PIK3C3: variants seen among roughly 807,000 people sequenced by gnomAD.
PIK3C3 encodes phosphatidylinositol 3-kinase catalytic subunit type 3.
PIK3C3 carries 95 observed loss-of-function variants against 126.1 expected under a neutral mutation model. The observed-to-expected ratio is 0.75, with a 90% CI of 0.64 to 0.89. PIK3C3 has a LOEUF of 0.89. Among genes scored for constraint, PIK3C3 ranks in the 40% least tolerant of loss-of-function variants. The pLI is 0.00. For synonymous variants in PIK3C3, 374 were observed against 360.0 expected, an observed-to-expected ratio of 1.04 and a Z score of -0.44; for missense variants, 829 against 1,063.2, an observed-to-expected ratio of 0.78 and a Z score of 3.06.
intron 11 of PIK3C3, 129 bp downstream of exon 11, chr18:42,013,725 A>T (rs1319179884): frequency 1.5e-6 from 1 of 673,082 alleles, no homozygotes; most frequent in East Asian, 2.8e-5. Context: ...ACTAGTGAAT[A>T]TTGCATGTGT....
intron 10 of PIK3C3, among the ~76,000 whole-genome samples, chr18:42,006,243 G>A (rs1982535402): frequency 6.7e-6 from 1 of 149,966 alleles, no homozygotes; most frequent in Non-Finnish European, 1.5e-5. Context: ...TTGAGGTCCT[G>A]AGCACAGGAG....
intron 22 of PIK3C3, 170 bp from the exon 23 acceptor site, chr18:42,064,570 A>G (rs1213969648): frequency 3.6e-6 from 2 of 553,802 alleles, no homozygotes; most frequent in African/African-American, 3.8e-5. Flanking sequence ...CCAAAATAAA[A>G]TATTTGTCAA....
At chr18:42,038,758 A>G in intron 17 of PIK3C3, 23 bp from the exon 18 acceptor site, 10 of 1,486,894 alleles carry the variant, frequency 6.7e-6, no homozygotes, top group Non-Finnish European at 9.4e-6. Flanking sequence ...TTTGGTTAAT[A>G]TATTTTACCT....
intron 21 of PIK3C3, among the ~76,000 whole-genome samples, chr18:42,051,844 A>G (rs1184449592): frequency 2.6e-5 from 4 of 152,132 alleles, no homozygotes; most frequent in Non-Finnish European, 5.9e-5. Context: ...TTACAACTAC[A>G]ATGGAATTCT....
chr18:42,080,890 C>G (rs1047581905), intron 24 of PIK3C3, among the ~76,000 whole-genome samples: 2 of 152,148 alleles, frequency 1.3e-5, no homozygotes, highest in African/African-American at 4.8e-5. Flanking sequence ...CTTGAGCTTA[C>G]AGTCAGCAGA....
chr18:41,963,162 C>T (rs1300492648), intron 3 of PIK3C3, among the ~76,000 whole-genome samples: 1 of 152,160 alleles, frequency 6.6e-6, no homozygotes, highest in Admixed American at 6.5e-5. Context: ...AGGACTCAGT[C>T]TGTCTTTAGA....
intron 14 of PIK3C3, among the ~76,000 whole-genome samples, chr18:42,027,958 G>GTTGAAAAGAAATCAAAAGAAGATTTCT (rs1367893526): frequency 1.3e-5 from 2 of 152,090 alleles, no homozygotes; most frequent in Non-Finnish European, 2.9e-5. Flanking sequence ...ACCTGGCCTG[G>GTTGAAAAGAAATCAAAAGAAGATTTCT]TTTAGCGGTT....
intron 9 of PIK3C3, among the ~76,000 whole-genome samples, chr18:41,999,065 C>A (rs1292145615): frequency 2.0e-5 from 3 of 151,956 alleles, no homozygotes; most frequent in Non-Finnish European, 4.4e-5. Context: ...TCTTTCTACC[C>A]CCTTTTTTTT....
rs60269462 is a variant in PIK3C3, at chr18:42,078,383, CAAAAAAAA to C, written c.2650-2721_2650-2714del. Among the ~76,000 whole-genome samples, 21 of 72,844 alleles carry C rather than the reference CAAAAAAAA, an allele frequency of 2.9e-4. 1 individual carries two copies. Among genetic ancestry groups the C allele is most frequent in the Admixed American group, 6.5e-4 (4 of 6,132 alleles). The allele number at this position is 72,844 out of a possible 152,430, so 47.8% of individuals were successfully genotyped here. On this transcript the variant is annotated intron_variant, in intron 24 of 24. Transcript: ENST00000262039. ...TGGGCAACAGAGCGAGACTCTGTCT[CAAAAAAAA>C]AAAAAAAAAAAAAAAAAATTTTCAG...
chr18:41,993,048 A>C (rs1336109549), intron 6 of PIK3C3, among the ~76,000 whole-genome samples: 1 of 152,190 alleles, frequency 6.6e-6, no homozygotes, highest in Non-Finnish European at 1.5e-5. Flanking sequence ...AACTTTAGTA[A>C]GAATTTTGTT....
rs567294889 is a variant in PIK3C3, at chr18:41,980,838, A to G, written c.532-6974A>G. Among the ~76,000 whole-genome samples the G allele has an allele frequency of 7.2e-5, 11 of 152,334 alleles. No homozygotes were observed. In the East Asian group the frequency reaches 1.5e-3, roughly 21 times the overall value. ...GAGGAAGAAAAACGGTGTCCTAAAGAGTTGAAGAATGCATTTGTTACTTTA... is the reference window on the plus strand; with the variant it reads ...GAGGAAGAAAAACGGTGTCCTAAAGGGTTGAAGAATGCATTTGTTACTTTA... On this transcript the variant is annotated intron_variant, in intron 4 of 24. Transcript: ENST00000262039.
intron 4 of PIK3C3, among the ~76,000 whole-genome samples, chr18:41,972,720 T>G (rs1980730084): frequency 6.6e-6 from 1 of 152,034 alleles, no homozygotes; most frequent in Non-Finnish European, 1.5e-5. Context: ...GAAAAATGTG[T>G]CCTGTTTGTA....
Position 42,071,704 on chromosome 18 carries a change from A to G in PIK3C3, c.2649+4191A>G, listed in dbSNP as rs150275167. Reference sequence around the variant, plus strand: ...CACTGCCCTCCAGCCTGGGCAACAGAGTGAGATTCTGTCTCAAAAAAAAAA... The same window carrying G: ...CACTGCCCTCCAGCCTGGGCAACAGGGTGAGATTCTGTCTCAAAAAAAAAA... On this transcript the variant is annotated intron_variant, in intron 24 of 24. Coordinates refer to ENST00000262039, the MANE Select transcript of PIK3C3 (RefSeq NM_002647.4). Among the ~76,000 whole-genome samples, 152 of 151,236 alleles carry G rather than the reference A, an allele frequency of 1.0e-3. No homozygotes were observed. In the East Asian group the frequency reaches 0.024, roughly 24 times the overall value.
chr18:42,080,036 T>C (rs926824846), intron 24 of PIK3C3, among the ~76,000 whole-genome samples: 7 of 151,404 alleles, frequency 4.6e-5, no homozygotes, highest in Non-Finnish European at 1.0e-4. Flanking sequence ...TGTATGATTC[T>C]GTCTATATTA....
At chr18:41,981,845 G>A (rs1425728712) in intron 4 of PIK3C3, among the ~76,000 whole-genome samples, 2 of 151,318 alleles carry the variant, frequency 1.3e-5, no homozygotes, top group East Asian at 1.9e-4. Context: ...GCATGGTGGT[G>A]CATGCCTGTA....
intron 6 of PIK3C3, among the ~76,000 whole-genome samples, chr18:41,990,956 G>T (rs749287323): frequency 2.9e-4 from 44 of 152,112 alleles, no homozygotes; most frequent in Non-Finnish European, 6.2e-4. Context: ...GAGTGTATGT[G>T]TAATGTCTAT....
chr18:41,998,882 T>A (rs1365679934), intron 9 of PIK3C3, among the ~76,000 whole-genome samples: 1 of 152,140 alleles, frequency 6.6e-6, no homozygotes, highest in Non-Finnish European at 1.5e-5. Flanking sequence ...ATTAATTTAT[T>A]TACAGAAAGA....
At chr18:41,968,410 A>G (rs1252912854) in intron 3 of PIK3C3, among the ~76,000 whole-genome samples, 3 of 152,202 alleles carry the variant, frequency 2.0e-5, no homozygotes, top group Non-Finnish European at 2.9e-5. Flanking sequence ...AGAGACATGT[A>G]TATATGTGGT....
rs72893442 is a variant in PIK3C3 at position 42,034,802 on chromosome 18, A to G, written c.1839+845A>G. On this transcript the variant is annotated intron_variant, in intron 16 of 24. Coordinates refer to ENST00000262039, the MANE Select transcript of PIK3C3 (RefSeq NM_002647.4). ...ATAGTTGCATTGAATATTACTTTGC[A>G]TGAGTTAAGAAAGGGCTCATAGAAC... is the stretch of plus-strand genomic sequence containing the variant. Among the ~76,000 whole-genome samples the G allele has an allele frequency of 6.6e-3, 998 of 152,340 alleles. 6 individuals are homozygous for G. The highest frequency in any genetic ancestry group is 8.7e-3 in the Admixed American group (133 of 15,292).
Sources: allele counts gnomAD v4.1 joint callset (sites outside exome capture counted in the v4.1 genomes callset), GRCh38; gene constraint gnomAD v4.1.1; transcripts MANE v1.5; gene names NCBI Gene and HGNC (gene_info 2026-07-23, HGNC 2026-07-21).